The following FARP1 variants were observed in gnomAD, a reference collection of about 807,000 sequenced individuals.
The protein encoded by FARP1 is FERM, ARHGEF and pleckstrin domain-containing protein 1.
A neutral mutation model predicts 128.8 loss-of-function variants in FARP1; 52 were observed. The observed-to-expected ratio is 0.40, with a 90% CI of 0.32 to 0.51. The LOEUF (loss-of-function observed/expected upper bound fraction) is 0.51, where lower values mean the gene tolerates loss of function less well. Ranked by LOEUF, FARP1 falls within the 20% of genes least tolerant of loss-of-function variation. FARP1 has a pLI of 0.45. For synonymous variants in FARP1, 580 were observed against 551.8 expected (o/e 1.05, Z -0.72); for missense variants, 1,333 against 1,367.9 (o/e 0.97, Z 0.40).
intron 1 of FARP1, among the ~76,000 whole-genome samples, chr13:98,195,626 A>T (rs1193395548): frequency 6.6e-6 from 1 of 152,098 alleles, no homozygotes; most frequent in African/African-American, 2.4e-5. Context: ...GTGGGTACTC[A>T]GTGTATTCTC....
At position 98,453,659 on chromosome 13, in the gene FARP1, C is replaced by G. The variant is rs1255924778; in HGVS notation, c.*5342C>G. On this transcript the variant is annotated 3_prime_UTR_variant, in exon 27 of 27. Transcript: ENST00000319562. Reference sequence around the variant, plus strand: ...CCTAGAACTGCTTCCGAAATATGGTCCAAAGCAGGAACAACGTGTCTGCAC... The same window carrying G: ...CCTAGAACTGCTTCCGAAATATGGTGCAAAGCAGGAACAACGTGTCTGCAC... The G allele has an allele frequency of 6.5e-6, 1 of 154,938 alleles. No individual in the cohort carries two copies. Among genetic ancestry groups the G allele is most frequent in the Non-Finnish European group, 1.4e-5 (1 of 70,094 alleles). 9.6% of individuals were successfully genotyped at this position (154,938 alleles called of 1,614,324 possible).
At chr13:98,158,923 G>A (rs143234596) in intron 1 of FARP1, among the ~76,000 whole-genome samples, 65 of 152,284 alleles carry the variant, frequency 4.3e-4, no homozygotes, top group African/African-American at 1.3e-3. Flanking sequence ...TCCTTGGAGA[G>A]CTAGGAAAGC....
intron 1 of FARP1, among the ~76,000 whole-genome samples, chr13:98,174,413 T>C (rs1877850845): frequency 1.3e-5 from 2 of 152,192 alleles, no homozygotes; most frequent in African/African-American, 2.4e-5. Context: ...AGAAAAATCC[T>C]GGAGCCAGAG....
Position 98,388,462 on chromosome 13 carries a change from T to A in FARP1, c.839T>A (p.Leu280His). 6.2e-7 allele frequency: 1 copy of A among 1,613,734 alleles called. No individual in the cohort carries two copies. The highest frequency in any genetic ancestry group is 8.5e-7 in the Non-Finnish European group (1 of 1,179,648). Residue 280 changes from leucine to histidine, a missense_variant, in exon 9 of 27, where the codon CTC (leucine) becomes CAC (histidine). Transcript: ENST00000319562. ...SFKRKRFLIK[L>H]RPDANSAYQD... ...AAGAGGAAGCGCTTTCTCATCAAGCTCCGGCCAGATGCCAATGTAAGTGGT... is the reference window on the plus strand; with the variant it reads ...AAGAGGAAGCGCTTTCTCATCAAGCACCGGCCAGATGCCAATGTAAGTGGT...
At position 98,379,080 on chromosome 13, in the gene FARP1, G is replaced by A. The variant is rs760094447; in HGVS notation, c.496+1162G>A. ...ATATAATATATAATATATGTAATATGTAATCTATATATAATATATATATAA... is the reference window on the plus strand; with the variant it reads ...ATATAATATATAATATATGTAATATATAATCTATATATAATATATATATAA... On this transcript the variant is annotated intron_variant, in intron 6 of 26. Coordinates refer to ENST00000319562, the MANE Select transcript of FARP1 (RefSeq NM_005766.4). Among the ~76,000 whole-genome samples, 32 of 50,800 alleles carry A rather than the reference G, an allele frequency of 6.3e-4. 5 individuals are homozygous for A. The highest frequency in any genetic ancestry group is 4.9e-3 in the South Asian group (8 of 1,632). The allele number at this position is 50,800 out of a possible 152,430, so 33.3% of individuals were successfully genotyped here.
intron 1 of FARP1, among the ~76,000 whole-genome samples, chr13:98,209,828 A>T (rs28577960): frequency 2.2e-5 from 2 of 92,814 alleles, no homozygotes; most frequent in East Asian, 7.1e-4. Flanking sequence ...AAAAAAAAAA[A>T]AGAAAAAGCC....
intron 2 of FARP1, among the ~76,000 whole-genome samples, chr13:98,274,184 G>C (rs1211272415): frequency 1.3e-5 from 2 of 152,152 alleles, no homozygotes; most frequent in Non-Finnish European, 2.9e-5. Context: ...TTGTCTGTGT[G>C]ATTGTTAGAG....
At position 98,435,668 on chromosome 13, in the gene FARP1, G is replaced by A; in HGVS notation, c.2236G>A (p.Asp746Asn). 6.2e-7 allele frequency: 1 copy of A among 1,614,180 alleles called. No homozygotes were observed. Among genetic ancestry groups the A allele is most frequent in the African/African-American group, 1.3e-5 (1 of 75,070 alleles). Residue 746 changes from aspartate to asparagine, a missense_variant, in exon 19 of 27, where the codon GAT becomes AAT. Physicochemically the swap from Asp to Asn is conservative, Grantham distance 23. This residue lies in a region of FARP1 where 1,009 missense variants were observed against 969.8 expected (regional missense o/e 1.04). Coordinates refer to ENST00000319562, the MANE Select transcript of FARP1 (RefSeq NM_005766.4). The part of the protein sequence containing the change: ...NFQKLHELKK[D>N]LIGIDNLVVP... ...CCAGAAGCTGCACGAACTCAAGAAA[G>A]ATTTGATTGGCATTGACAATCTTGT...
At position 98,176,136 on chromosome 13, in the gene FARP1, C is replaced by T. The variant is rs1307460477; in HGVS notation, c.-24+32644C>T. On this transcript the variant is annotated intron_variant, in intron 1 of 26. Transcript: ENST00000319562. The surrounding 1 kb of genome is among the most constrained non-coding windows in gnomAD (Gnocchi z 6.2). ...TCTTACTCAACAGGCTGCTTCTCCC[C>T]AGTGTACATACAGACTTGAGTCTTT... 1 of 1,595,410 alleles carries T rather than the reference C, an allele frequency of 6.3e-7. No homozygotes were observed.
intron 2 of FARP1, among the ~76,000 whole-genome samples, chr13:98,341,436 A>G (rs1168951698): frequency 6.6e-6 from 1 of 152,172 alleles, no homozygotes; most frequent in African/African-American, 2.4e-5. Flanking sequence ...GTTCGAGACC[A>G]GCGTGGTCAA....
intron 16 of FARP1, among the ~76,000 whole-genome samples, chr13:98,422,624 A>G (rs1028592032): frequency 6.6e-6 from 1 of 152,180 alleles, no homozygotes; most frequent in African/African-American, 2.4e-5. Flanking sequence ...AATAGAATAA[A>G]TAATGCTGTT....
intron 17 of FARP1, among the ~76,000 whole-genome samples, chr13:98,430,652 C>T (rs925795936): frequency 1.3e-5 from 2 of 152,178 alleles, no homozygotes; most frequent in African/African-American, 2.4e-5. Context: ...TGCTCACTGA[C>T]GGCCCCTGGG....
rs1893301927 is a variant in FARP1, at chr13:98,453,538, C to A, written c.*5221C>A. The A allele has an allele frequency of 1.6e-5, 4 of 246,134 alleles. No individual in the cohort carries two copies. The South Asian group carries it at 3.2e-4, about 20-fold the overall frequency. 15.2% of individuals were successfully genotyped at this position (246,134 alleles called of 1,614,324 possible). A position where few individuals can be genotyped will look rare whatever the true frequency, so the allele number is the denominator to read the frequency against. On this transcript the variant is annotated 3_prime_UTR_variant, in exon 27 of 27. Transcript: ENST00000319562. ...GTGAACATTGATCCATACATGATGA[C>A]ACAGTAAGATTCCAGGGATGCATAT...
intron 1 of FARP1, among the ~76,000 whole-genome samples, chr13:98,147,781 C>G (rs371036170): frequency 6.6e-6 from 1 of 151,794 alleles, no homozygotes; most frequent in African/African-American, 2.4e-5. Flanking sequence ...CTCAGTCTCC[C>G]GAGTAGCTGT....
chr13:98,265,083 C>A (rs1884040605), intron 2 of FARP1, among the ~76,000 whole-genome samples: 1 of 152,048 alleles, frequency 6.6e-6, no homozygotes, highest in South Asian at 2.1e-4. Flanking sequence ...TGTTCCCGGC[C>A]CACACTAGTG....
intron 1 of FARP1, among the ~76,000 whole-genome samples, chr13:98,209,472 A>ATTTTT (rs534634730): frequency 4.7e-5 from 5 of 106,484 alleles, no homozygotes; most frequent in Non-Finnish European, 7.1e-5. Flanking sequence ...GGGAGGAAAG[A>ATTTTT]TTTTTTTTTT....
At chr13:98,347,192 T>C (rs1221771580) in intron 3 of FARP1, among the ~76,000 whole-genome samples, 7 of 152,286 alleles carry the variant, frequency 4.6e-5, no homozygotes, top group Admixed American at 2.6e-4. Context: ...CTGGGATCCA[T>C]TGAAGTGTTC....
intron 23 of FARP1, 147 bp downstream of exon 23, chr13:98,440,382 C>T: frequency 1.5e-6 from 1 of 683,988 alleles, no homozygotes. Context: ...AGTTCTTTTT[C>T]CTAAAAGTAA....
chr13:98,200,471 T>TG (rs1879870796), intron 1 of FARP1, among the ~76,000 whole-genome samples: 1 of 147,678 alleles, frequency 6.8e-6, no homozygotes, highest in Admixed American at 7.0e-5. Context: ...TCGCAGGTGA[T>TG]GTGGATGCTG....
Sources: gnomAD v4.1 joint callset for allele counts (sites outside exome capture counted in the v4.1 genomes callset) on GRCh38, gnomAD v4.1.1 for gene constraint, gnomAD v4.1.1 regional missense constraint, Gnocchi (gnomAD v3.1) non-coding constraint, MANE v1.5 for transcripts, NCBI Gene and HGNC (gene_info 2026-07-23, HGNC 2026-07-21) for gene names.